MAP3K2: variants seen among roughly 807,000 people sequenced by gnomAD.
The protein encoded by MAP3K2 is MAP/ERK kinase kinase 2.
In MAP3K2, 24 loss-of-function variants were observed where a neutral mutation model predicts 80.3. The observed-to-expected ratio is 0.30, with a 90% CI of 0.22 to 0.42. MAP3K2 has a LOEUF of 0.42. Ranked by LOEUF, MAP3K2 falls within the 10% of genes least tolerant of loss-of-function variation. MAP3K2 has a pLI of 1.00. For missense variants in MAP3K2, 608 were observed against 750.1 expected, an observed-to-expected ratio of 0.81 and a Z score of 2.21; for synonymous variants, 244 against 253.7, an observed-to-expected ratio of 0.96 and a Z score of 0.36.
intron 11 of MAP3K2, 144 bp downstream of exon 11, chr2:127,323,758 G>A (rs1340096894): frequency 2.2e-6 from 1 of 454,238 alleles, no homozygotes; most frequent in East Asian, 3.5e-5. Context: ...AAGCCAAAAT[G>A]CCCATTATAC....
chr2:127,372,601 A>G (rs186094295), intron 1 of MAP3K2, among the ~76,000 whole-genome samples: 10 of 152,154 alleles, frequency 6.6e-5, no homozygotes, highest in African/African-American at 2.2e-4. Flanking sequence ...CAGTTATACA[A>G]CCTCAACTCA....
chr2:127,332,664 T>C (rs1686283151), intron 5 of MAP3K2, among the ~76,000 whole-genome samples: 1 of 152,256 alleles, frequency 6.6e-6, no homozygotes, highest in South Asian at 2.1e-4. Flanking sequence ...GTCTCATTCA[T>C]GAAATCTATC....
At chr2:127,314,715 G>C in intron 15 of MAP3K2, 39 bp downstream of exon 15, 1 of 1,495,244 alleles carries the variant, frequency 6.7e-7, no homozygotes, top group Non-Finnish European at 9.2e-7. Context: ...CATTCACTAA[G>C]AACTGTGTAC....
rs1687386183 is a variant in MAP3K2 at position 127,387,449 on chromosome 2, T to A, written c.-66+3A>T. The A allele has an allele frequency of 1.0e-6, 1 of 967,190 alleles. No individual in the cohort carries two copies. Among genetic ancestry groups the A allele is most frequent in the Non-Finnish European group, 1.2e-6 (1 of 825,838 alleles). The allele number at this position is 967,190 out of a possible 1,614,324, so 59.9% of individuals were successfully genotyped here. ...GCGCGCGCGCACGCACACACGCACGTACCGGCTGCTCCGCAGGGACGTAGA... is the reference window on the plus strand; with the variant it reads ...GCGCGCGCGCACGCACACACGCACGAACCGGCTGCTCCGCAGGGACGTAGA... On this transcript the variant is annotated splice_donor_region_variant and intron_variant, in intron 1 of 16. Transcript: ENST00000682094.
chr2:127,322,016 C>G lies in MAP3K2; in HGVS notation c.1045+30G>C, dbSNP rs373068085. On this transcript the variant is annotated intron_variant, in intron 12 of 16. Coordinates refer to ENST00000682094, the MANE Select transcript of MAP3K2 (RefSeq NM_001371910.2). The surrounding 1 kb of genome is among the most constrained non-coding windows in gnomAD (Gnocchi z 4.2). ...AAAATTCTGCAAAGATTCTGCTCTA[C>G]ATTTCACTATACCAAGTTCTATTAC... is the stretch of plus-strand genomic sequence containing the variant. The G allele has an allele frequency of 2.3e-5, 36 of 1,579,818 alleles. No homozygotes were observed. Among genetic ancestry groups the G allele is most frequent in the Non-Finnish European group, 2.9e-5 (33 of 1,154,674 alleles).
At chr2:127,357,768 A>G (rs1686820772) in intron 1 of MAP3K2, among the ~76,000 whole-genome samples, 1 of 152,178 alleles carries the variant, frequency 6.6e-6, no homozygotes. Context: ...ACTGTGGTAC[A>G]ACAGCTGGAT....
In MAP3K2 at chr2:127,339,589, G is replaced by A. The variant is rs1241907625; in HGVS notation, c.5-539C>T. Among the ~76,000 whole-genome samples, 1 of 152,026 alleles carries A rather than the reference G, an allele frequency of 6.6e-6. No homozygotes were observed. The highest frequency in any genetic ancestry group is 6.6e-5 in the Admixed American group (1 of 15,256). On this transcript the variant is annotated intron_variant, in intron 2 of 16. Transcript: ENST00000682094. The surrounding 1 kb of genome is among the most constrained non-coding windows in gnomAD (Gnocchi z 4.2). ...GCTCTTTCAAACTTCTTCACCATAA[G>A]GTTTGACAAGACTAAAAACAGACTA...
intron 1 of MAP3K2, among the ~76,000 whole-genome samples, chr2:127,355,904 A>C (rs1686789593): frequency 6.6e-6 from 1 of 152,110 alleles, no homozygotes; most frequent in Non-Finnish European, 1.5e-5. Context: ...AACATTCTAA[A>C]TCTTTTGTTG....
At chr2:127,317,598 T>G in intron 14 of MAP3K2, 31 bp downstream of exon 14, 2 of 1,484,766 alleles carry the variant, frequency 1.3e-6, no homozygotes, top group Non-Finnish European at 1.8e-6. Context: ...TTAAATAGAA[T>G]GTGTATTTTC....
rs1685654286 is a variant in MAP3K2, at chr2:127,304,321, T to C, written c.*3258A>G. The C allele has an allele frequency of 6.6e-6, 1 of 152,188 alleles. No individual in the cohort carries two copies. The highest frequency in any genetic ancestry group is 2.1e-4 in the South Asian group (1 of 4,832). The allele number at this position is 152,188 out of a possible 1,614,324, so 9.4% of individuals were successfully genotyped here. On this transcript the variant is annotated 3_prime_UTR_variant, in exon 17 of 17. Transcript: ENST00000682094. ...TTAAATAATTAACAACCCATCAAAA[T>C]TTCCACTAGTCATTATGATTTTTTT...
chr2:127,376,140 A>G (rs1335614581), intron 1 of MAP3K2, among the ~76,000 whole-genome samples: 2 of 152,202 alleles, frequency 1.3e-5, no homozygotes, highest in Non-Finnish European at 2.9e-5. Flanking sequence ...GAAGGCTGTA[A>G]GGTTTTTACA....
intron 1 of MAP3K2, among the ~76,000 whole-genome samples, chr2:127,358,195 T>C (rs866483481): frequency 6.6e-6 from 1 of 152,160 alleles, no homozygotes; most frequent in African/African-American, 2.4e-5. Flanking sequence ...AATAAAGCCA[T>C]GGTCAATAAG....
chr2:127,388,035 C>T (rs1167139532), upstream of MAP3K2: 5 of 983,146 alleles, frequency 5.1e-6, no homozygotes, highest in Non-Finnish European at 6.0e-6. Context: ...CCCCTCCGCC[C>T]GGCGGTAGCG....
rs1258267687 is a variant in MAP3K2, at chr2:127,387,747, G to C, written c.-361C>G. 1.0e-6 allele frequency: 1 copy of C among 984,836 alleles called. No individual in the cohort carries two copies. Among genetic ancestry groups the C allele is most frequent in the Admixed American group, 6.2e-5 (1 of 16,234 alleles). 61.0% of individuals were successfully genotyped at this position (984,836 alleles called of 1,614,324 possible). A position where few individuals can be genotyped will look rare whatever the true frequency, so the allele number is the denominator to read the frequency against. ...TAGCCGCTGCAACCCCGAGGCCCGC[G>C]GGAACTGGGCAGGAAAGGAGGAAGC... is the stretch of plus-strand genomic sequence containing the variant. On this transcript the variant is annotated 5_prime_UTR_variant, in exon 1 of 17. Transcript: ENST00000682094.
At chr2:127,382,898 A>G (rs142804786) in intron 1 of MAP3K2, among the ~76,000 whole-genome samples, 1 of 152,342 alleles carries the variant, frequency 6.6e-6, no homozygotes, top group East Asian at 1.9e-4. Context: ...CCATTCTTGC[A>G]TTGCTCTTAA....
intron 1 of MAP3K2, among the ~76,000 whole-genome samples, chr2:127,355,870 G>C (rs1355458216): frequency 6.6e-6 from 1 of 152,108 alleles, no homozygotes. Context: ...GTTGCTTATT[G>C]CTGCTTTACC....
intron 11 of MAP3K2, 84 bp downstream of exon 11, chr2:127,323,818 T>C: frequency 1.7e-6 from 1 of 575,182 alleles, no homozygotes; most frequent in Non-Finnish European, 2.9e-6. Context: ...TTAACACAAA[T>C]ATGAGGTTTT....
At position 127,307,370 on chromosome 2, in the gene MAP3K2, G is replaced by T; in HGVS notation, c.*209C>A. The T allele has an allele frequency of 6.1e-6, 2 of 330,462 alleles. No homozygotes were observed. The highest frequency in any genetic ancestry group is 5.4e-6 in the Non-Finnish European group (1 of 185,282). 20.5% of individuals were successfully genotyped at this position (330,462 alleles called of 1,614,324 possible). A position where few individuals can be genotyped will look rare whatever the true frequency, so the allele number is the denominator to read the frequency against. ...TAAAAATTAAAAAAAAAAACTTCAA[G>T]TTCTTGTAAGGGAAAAAAAGATTAA... On this transcript the variant is annotated 3_prime_UTR_variant, in exon 17 of 17. Coordinates refer to ENST00000682094, the MANE Select transcript of MAP3K2 (RefSeq NM_001371910.2). This position sits in a 1 kb window ranked among gnomAD's most constrained non-coding sequence, Gnocchi z 5.4.
rs918362076 is a variant in MAP3K2, at chr2:127,300,896, T to C, written c.*6683A>G. On this transcript the variant is annotated 3_prime_UTR_variant, in exon 17 of 17. Coordinates refer to ENST00000682094, the MANE Select transcript of MAP3K2 (RefSeq NM_001371910.2). Reference sequence around the variant, plus strand: ...CAAATCCATTTTGTAGTCTATCTAATAGAGTTTAAGGTGTAATTTTGTTTC... The same window carrying C: ...CAAATCCATTTTGTAGTCTATCTAACAGAGTTTAAGGTGTAATTTTGTTTC... 6.6e-6 allele frequency: 1 copy of C among 152,208 alleles called. No homozygotes were observed. Among genetic ancestry groups the C allele is most frequent in the African/African-American group, 2.4e-5 (1 of 41,446 alleles). 9.4% of individuals were successfully genotyped at this position (152,208 alleles called of 1,614,324 possible).
Sources: allele counts gnomAD v4.1 joint callset (sites outside exome capture counted in the v4.1 genomes callset), GRCh38; gene constraint gnomAD v4.1.1; non-coding constraint Gnocchi (gnomAD v3.1); transcripts MANE v1.5; gene names NCBI Gene and HGNC (gene_info 2026-07-23, HGNC 2026-07-21).